Variants in MMS19 observed in about 807,000 individuals in gnomAD.
MMS19 encodes MMS19 nucleotide excision repair protein homolog.
MMS19 carries 77 observed loss-of-function variants against 129.8 expected under a neutral mutation model. The ratio of observed to expected loss-of-function variants is 0.59; its 90% confidence interval spans 0.49 to 0.72. The LOEUF is 0.72. Among genes scored for constraint, MMS19 ranks in the 30% least tolerant of loss-of-function variants. The probability of loss-of-function intolerance (pLI) is 0.00; values close to 1 mark genes in which losing one functional copy is unlikely to be tolerated. For synonymous variants in MMS19, 491 were observed against 502.8 expected (o/e 0.98, Z 0.31); for missense variants, 1,168 against 1,266.3 (o/e 0.92, Z 1.18).
Position 97,459,074 on chromosome 10 carries a change from C to G in MMS19, c.2964+149G>C, listed in dbSNP as rs537408536. 5.4e-5 allele frequency: 52 copies of G among 965,698 alleles called. No individual in the cohort carries two copies. In the East Asian group the frequency reaches 1.3e-3, roughly 23 times the overall value. 59.8% of individuals were successfully genotyped at this position (965,698 alleles called of 1,614,324 possible). On this transcript the variant is annotated intron_variant, in intron 29 of 30. Coordinates refer to ENST00000438925, the MANE Select transcript of MMS19 (RefSeq NM_022362.5). Reference sequence around the variant, plus strand: ...ACCTTCTGGGCCCAAGGAAAAGAATCCTTGGGCCCAGAATTACAAGATCTG... The same window carrying G: ...ACCTTCTGGGCCCAAGGAAAAGAATGCTTGGGCCCAGAATTACAAGATCTG...
At chr10:97,478,060 T>A in intron 4 of MMS19, 131 bp from the exon 5 acceptor site, 1 of 676,950 alleles carries the variant, frequency 1.5e-6, no homozygotes, top group Non-Finnish European at 2.6e-6. Flanking sequence ...GCACTAATAG[T>A]GAGACTCTTT....
intron 1 of MMS19, among the ~76,000 whole-genome samples, chr10:97,494,224 T>TA (rs2039424811): frequency 6.6e-6 from 1 of 152,158 alleles, no homozygotes; most frequent in Admixed American, 6.5e-5. Flanking sequence ...GATTTGCTCT[T>TA]AAAAATGGAC....
At chr10:97,492,421 G>A (rs532016673) in intron 1 of MMS19, among the ~76,000 whole-genome samples, 1 of 151,802 alleles carries the variant, frequency 6.6e-6, no homozygotes, top group South Asian at 2.1e-4. Context: ...CTTGCAGTGA[G>A]TGGAGACGGA....
At chr10:97,485,272 G>A (rs995951952) in intron 1 of MMS19, among the ~76,000 whole-genome samples, 1 of 151,986 alleles carries the variant, frequency 6.6e-6, no homozygotes, top group Non-Finnish European at 1.5e-5. Flanking sequence ...GGAATTACAG[G>A]TGCCTGCCAC....
chr10:97,481,519 T>C (rs1425710778), intron 2 of MMS19, among the ~76,000 whole-genome samples: 1 of 152,098 alleles, frequency 6.6e-6, no homozygotes, highest in East Asian at 1.9e-4. Context: ...CACCACCAAG[T>C]TCCTAGAGTA....
At chr10:97,492,576 TG>T (rs1451772022) in intron 1 of MMS19, among the ~76,000 whole-genome samples, 6 of 149,784 alleles carry the variant, frequency 4.0e-5, no homozygotes, top group Non-Finnish European at 7.4e-5. Flanking sequence ...TGGCCAGGCA[TG>T]GTGGCTCACA....
rs763813524 is a variant in MMS19, at chr10:97,467,587, T to TA, written c.1219-5dup. 1.2e-6 allele frequency: 2 copies of TA among 1,613,712 alleles called. No individual in the cohort carries two copies. The highest frequency in any genetic ancestry group is 2.2e-5 in the South Asian group (2 of 91,076). ...GGATTGTCCGCCGCTGGCTGCTCTG[T>TA]AACGTTTCAAGGGGTACTAGAGTCA... On this transcript the variant is annotated splice_region_variant and splice_polypyrimidine_tract_variant and intron_variant, in intron 13 of 30. Transcript: ENST00000438925.
chr10:97,461,883 CCT>C lies in MMS19; in HGVS notation c.2127_2128del (p.Gly710AlafsTer66). The stretch of plus-strand genomic sequence containing the variant: ...AAGCAGTGCAATCAGCCGCCTCTGC[CCT>C]GAGGAGCCATCCTATAAAGGAAGGA... On this transcript the variant is annotated frameshift_variant, in exon 22 of 31. Coordinates refer to ENST00000438925, the MANE Select transcript of MMS19 (RefSeq NM_022362.5). LOFTEE classifies it high-confidence loss of function. 6.2e-7 allele frequency: 1 copy of C among 1,605,948 alleles called. No homozygotes were observed. The highest frequency in any genetic ancestry group is 8.5e-7 in the Non-Finnish European group (1 of 1,176,312).
At chr10:97,465,690 CT>C in intron 18 of MMS19, 114 bp downstream of exon 18, 1 of 1,061,518 alleles carries the variant, frequency 9.4e-7, no homozygotes, top group South Asian at 1.6e-5. Context: ...TTTTTTTTTT[CT>C]TTTAAAAGAG....
At position 97,458,419 on chromosome 10, in the gene MMS19, T is replaced by G. The variant is rs970119669; in HGVS notation, c.*273A>C. 8.6e-6 allele frequency: 4 copies of G among 467,256 alleles called. No individual in the cohort carries two copies. Among genetic ancestry groups the G allele is most frequent in the Non-Finnish European group, 1.5e-5 (4 of 262,700 alleles). The allele number at this position is 467,256 out of a possible 1,614,324, so 28.9% of individuals were successfully genotyped here. ...CATATGCACTCACCCCTCAGCAGCA[T>G]ATCGCCCCTTTTCTGACATATAAAT... On this transcript the variant is annotated 3_prime_UTR_variant, in exon 31 of 31. Coordinates refer to ENST00000438925, the MANE Select transcript of MMS19 (RefSeq NM_022362.5).
At chr10:97,496,689 T>C (rs2039857820) in intron 1 of MMS19, among the ~76,000 whole-genome samples, 1 of 152,188 alleles carries the variant, frequency 6.6e-6, no homozygotes, top group African/African-American at 2.4e-5. Context: ...ACTGATATAG[T>C]AATGTTCTAT....
At position 97,482,735 on chromosome 10, in the gene MMS19, T is replaced by TACAC. The variant is rs1442208641; in HGVS notation, c.161+1367_161+1368insGTGT. Among the ~76,000 whole-genome samples, 247 of 137,852 alleles carry TACAC rather than the reference T, an allele frequency of 1.8e-3. 1 individual carries two copies. Among genetic ancestry groups the TACAC allele is most frequent in the Admixed American group, 5.4e-3 (74 of 13,732 alleles). 90.4% of individuals were successfully genotyped at this position (137,852 alleles called of 152,430 possible). A position where few individuals can be genotyped will look rare whatever the true frequency, so the allele number is the denominator to read the frequency against. ...GTGTGTGTGTGTGTGTGTGTATATA[T>TACAC]ATACACACACACACACACACACACA... On this transcript the variant is annotated intron_variant, in intron 2 of 30. Transcript: ENST00000438925.
chr10:97,460,626 T>C, intron 25 of MMS19, 69 bp downstream of exon 25: 3 of 1,301,370 alleles, frequency 2.3e-6, no homozygotes, highest in East Asian at 2.5e-5. Context: ...TGGAAGTCCT[T>C]GGGAGGAATA....
At chr10:97,478,453 C>A in intron 3 of MMS19, 64 bp from the exon 4 acceptor site, 1 of 1,192,610 alleles carries the variant, frequency 8.4e-7, no homozygotes, top group Non-Finnish European at 1.2e-6. Context: ...AGCTTTGTTC[C>A]TTCCCTAAGT....
chr10:97,498,254 G>C lies in MMS19; in HGVS notation c.112+19C>G, dbSNP rs2040172146. ...CTGTTGGCCCCCATGCGGAAGGCGC[G>C]CGGCGCCGTCTGCCGTACCTGCAGC... is the stretch of plus-strand genomic sequence containing the variant. On this transcript the variant is annotated intron_variant, in intron 1 of 30. Transcript: ENST00000438925. 2.0e-6 allele frequency: 3 copies of C among 1,536,744 alleles called. No homozygotes were observed. In the East Asian group the frequency reaches 7.3e-5, roughly 37 times the overall value.
intron 22 of MMS19, 33 bp downstream of exon 22, chr10:97,461,795 A>C: frequency 6.3e-7 from 1 of 1,592,512 alleles, no homozygotes; most frequent in Non-Finnish European, 8.6e-7. Flanking sequence ...TGTCAAGGTT[A>C]AATAACAGTA....
Position 97,480,952 on chromosome 10 carries a change from C to T in MMS19, c.252G>A (p.Leu84=). The T allele has an allele frequency of 1.9e-6, 3 of 1,604,010 alleles. No individual in the cohort carries two copies. The highest frequency in any genetic ancestry group is 1.7e-6 in the Non-Finnish European group (2 of 1,173,762). The part of the protein sequence containing the change: ...QVLLHCHTLL[L]EKEVVHLILF... The stretch of plus-strand genomic sequence containing the variant: ...TAGTGACACCAGTACCTTCCTTCTC[C>T]AGGAGCAAGGTGTGACAGTGGAGTA... Residue 84 remains leucine, a synonymous_variant, in exon 3 of 31, where the codon CTG becomes CTA. Transcript: ENST00000438925.
rs752673056 is a variant in MMS19, at chr10:97,497,647, G to A, written c.112+626C>T. On this transcript the variant is annotated intron_variant, in intron 1 of 30. Transcript: ENST00000438925. ...CTGAACTGGTCAAAAGCAGGAAAGT[G>A]GGGGTCTGGGAAGAAGACAAAAACA... Among the ~76,000 whole-genome samples the A allele has an allele frequency of 5.7e-4, 86 of 152,168 alleles. 3 individuals carry two copies. The highest frequency in any genetic ancestry group is 1.2e-3 in the Admixed American group (18 of 15,276).
chr10:97,484,980 C>G (rs1391114346), intron 1 of MMS19, among the ~76,000 whole-genome samples: 1 of 152,094 alleles, frequency 6.6e-6, no homozygotes, highest in Non-Finnish European at 1.5e-5. Flanking sequence ...TGGGTTTCAC[C>G]ATGTTGCTGG....
Sources: allele counts gnomAD v4.1 joint callset (sites outside exome capture counted in the v4.1 genomes callset), GRCh38; gene constraint gnomAD v4.1.1; transcripts MANE v1.5; gene names NCBI Gene and HGNC (gene_info 2026-07-23, HGNC 2026-07-21).